The following GRID1 variants were observed in gnomAD, a reference collection of about 807,000 sequenced individuals.
GRID1 encodes glutamate receptor ionotropic, delta-1.
GRID1 carries 28 observed loss-of-function variants against 98.0 expected under a neutral mutation model. The observed-to-expected ratio is 0.29, with a 90% confidence interval of 0.21 to 0.39. The LOEUF (loss-of-function observed/expected upper bound fraction) is 0.39, where lower values mean the gene tolerates loss of function less well. Among genes scored for constraint, GRID1 ranks in the 10% least tolerant of loss-of-function variants. The probability of loss-of-function intolerance (pLI) is 1.00; values close to 1 mark genes in which losing one functional copy is unlikely to be tolerated. For missense variants in GRID1, 1,111 were observed against 1,340.5 expected (o/e 0.83, Z 2.67); for synonymous variants, 553 against 538.5 (o/e 1.03, Z -0.37).
chr10:86,342,694 G>A (rs1445044646), intron 2 of GRID1, among the ~76,000 whole-genome samples: 1 of 152,200 alleles, frequency 6.6e-6, no homozygotes, highest in African/African-American at 2.4e-5. Context: ...CTGCTTCCCT[G>A]CCCAGGAGCA....
chr10:86,315,696 C>T (rs11201978), intron 2 of GRID1, among the ~76,000 whole-genome samples: 24,286 of 151,820 alleles, frequency 0.16, 2,040 homozygotes, highest in South Asian at 0.23. Flanking sequence ...CATTCATATG[C>T]CCCCATATTT....
intron 13 of GRID1, chr10:85,646,984 C>A: frequency 1.7e-6 from 1 of 582,212 alleles, no homozygotes; most frequent in Non-Finnish European, 3.1e-6. Flanking sequence ...CTGCCTGCTC[C>A]TCCCCAGCCA....
rs540604651 is a variant in GRID1, at chr10:86,222,165, C to T, written c.236-15517G>A. On this transcript the variant is annotated intron_variant, in intron 2 of 15. Coordinates refer to ENST00000327946, the MANE Select transcript of GRID1 (RefSeq NM_017551.3). Reference sequence around the variant, plus strand: ...CATCCTCCCAGGCCTAGAGGGGGGGCCACCCATTTGCAGAGGGGGCACCTG... The same window carrying T: ...CATCCTCCCAGGCCTAGAGGGGGGGTCACCCATTTGCAGAGGGGGCACCTG... Among the ~76,000 whole-genome samples the T allele has an allele frequency of 2.0e-5, 3 of 152,302 alleles. No individual in the cohort carries two copies. In the South Asian group the frequency reaches 6.2e-4, roughly 32 times the overall value.
chr10:85,867,115 T>G (rs950590137), intron 6 of GRID1, among the ~76,000 whole-genome samples: 1 of 152,158 alleles, frequency 6.6e-6, no homozygotes, highest in Non-Finnish European at 1.5e-5. Flanking sequence ...GTGAAAAGAC[T>G]TTTTGCATCC....
At chr10:86,292,626 C>T (rs554833147) in intron 2 of GRID1, among the ~76,000 whole-genome samples, 1 of 152,308 alleles carries the variant, frequency 6.6e-6, no homozygotes, top group South Asian at 2.1e-4. Context: ...TCCCTCTCTT[C>T]AGGGCCAAGG....
At chr10:86,003,110 C>T (rs1389974358) in intron 4 of GRID1, among the ~76,000 whole-genome samples, 2 of 152,234 alleles carry the variant, frequency 1.3e-5, no homozygotes, top group East Asian at 3.8e-4. Context: ...ACCAGACTAA[C>T]CCAGAACCTC....
chr10:85,739,664 A>G (rs1300943453), intron 8 of GRID1, among the ~76,000 whole-genome samples: 7 of 152,136 alleles, frequency 4.6e-5, no homozygotes, highest in African/African-American at 1.4e-4. Context: ...CTTTAATTAC[A>G]TGGAGCTAGA....
intron 4 of GRID1, among the ~76,000 whole-genome samples, chr10:86,056,470 G>C (rs1843574177): frequency 6.6e-6 from 1 of 152,142 alleles, no homozygotes; most frequent in Admixed American, 6.5e-5. Context: ...GTGTCCCAAG[G>C]GTGCCAATCT....
rs544742608 is a variant in GRID1 at position 86,210,690 on chromosome 10, T to C, written c.236-4042A>G. ...GGCCTCCACAAAAAGGGTGGGTAAT[T>C]AAGGCTGGAAGCCTCTCCCAGGCGC... On this transcript the variant is annotated intron_variant, in intron 2 of 15. Coordinates refer to ENST00000327946, the MANE Select transcript of GRID1 (RefSeq NM_017551.3). Among the ~76,000 whole-genome samples, 9 of 152,318 alleles carry C rather than the reference T, an allele frequency of 5.9e-5. No homozygotes were observed. The South Asian group carries it at 1.9e-3, about 32-fold the overall frequency.
chr10:86,022,970 T>A (rs1402518634), intron 4 of GRID1, among the ~76,000 whole-genome samples: 1 of 151,878 alleles, frequency 6.6e-6, no homozygotes, highest in Non-Finnish European at 1.5e-5. Flanking sequence ...TGCAAGATTC[T>A]TGAGAGACCA....
intron 2 of GRID1, among the ~76,000 whole-genome samples, chr10:86,228,287 G>C (rs1846390573): frequency 6.9e-6 from 1 of 145,366 alleles, no homozygotes; most frequent in African/African-American, 2.6e-5. Context: ...GGAGTGAATG[G>C]GGGTGGCTTG....
At chr10:85,717,009 T>C (rs1037490461) in intron 12 of GRID1, among the ~76,000 whole-genome samples, 30 of 152,134 alleles carry the variant, frequency 2.0e-4, no homozygotes, top group Admixed American at 6.6e-5. Context: ...GAATTTCAGT[T>C]AGGTATGATG....
At chr10:86,299,024 G>T (rs1372103873) in intron 2 of GRID1, among the ~76,000 whole-genome samples, 1 of 152,018 alleles carries the variant, frequency 6.6e-6, no homozygotes, top group Non-Finnish European at 1.5e-5. Flanking sequence ...GTAGTTCCAT[G>T]TCCTATTCCA....
chr10:85,963,528 C>G (rs1842298093), intron 4 of GRID1, among the ~76,000 whole-genome samples: 1 of 152,194 alleles, frequency 6.6e-6, no homozygotes, highest in Non-Finnish European at 1.5e-5. Context: ...CAAAAAAACT[C>G]TAACCTCCTG....
intron 3 of GRID1, among the ~76,000 whole-genome samples, chr10:86,190,161 T>C (rs1181392033): frequency 6.6e-6 from 1 of 152,064 alleles, no homozygotes; most frequent in Non-Finnish European, 1.5e-5. Flanking sequence ...CCCAAGCAGG[T>C]CACAAACACT....
chr10:85,775,147 T>TA (rs1377395770), intron 8 of GRID1, among the ~76,000 whole-genome samples: 1 of 152,104 alleles, frequency 6.6e-6, no homozygotes, highest in Non-Finnish European at 1.5e-5. Flanking sequence ...TATGCAGCCA[T>TA]AAAAAATGAT....
chr10:85,722,835 T>C (rs1332319870), intron 12 of GRID1, among the ~76,000 whole-genome samples, 168 bp downstream of exon 12: 1 of 152,182 alleles, frequency 6.6e-6, no homozygotes, highest in Non-Finnish European at 1.5e-5. Context: ...GTGCCTGAGA[T>C]AAAATACAAC....
At chr10:86,205,932 C>G (rs543782369) in intron 3 of GRID1, among the ~76,000 whole-genome samples, 17 of 152,256 alleles carry the variant, frequency 1.1e-4, no homozygotes, top group African/African-American at 3.4e-4. Flanking sequence ...GCCTGGAACC[C>G]TGAAACTGAA....
chr10:86,101,367 A>G (rs1239567081), intron 4 of GRID1, among the ~76,000 whole-genome samples: 2 of 152,226 alleles, frequency 1.3e-5, no homozygotes, highest in Non-Finnish European at 2.9e-5. Flanking sequence ...AATGTAACCA[A>G]CACCATAATC....
Sources: gnomAD v4.1 joint callset for allele counts (sites outside exome capture counted in the v4.1 genomes callset) on GRCh38, gnomAD v4.1.1 for gene constraint, MANE v1.5 for transcripts, NCBI Gene and HGNC (gene_info 2026-07-23, HGNC 2026-07-21) for gene names.